Variants in GSTP1 observed in about 807,000 individuals in gnomAD.
The protein encoded by GSTP1 is glutathione S-transferase pi 1.
Under a neutral mutation model 29.4 loss-of-function variants are expected in GSTP1, and 28 were observed. That is an observed-to-expected ratio of 0.95 (90% CI 0.71 to 1.30). GSTP1 has a LOEUF of 1.30. Ranked by LOEUF, GSTP1 falls within the 50% of genes most tolerant of loss-of-function variation. The probability of loss-of-function intolerance (pLI) is 0.00; values close to 1 mark genes in which losing one functional copy is unlikely to be tolerated. For missense variants in GSTP1, 267 were observed against 266.1 expected, an observed-to-expected ratio of 1.00 and a Z score of -0.02; for synonymous variants, 122 against 117.0, an observed-to-expected ratio of 1.04 and a Z score of -0.28.
rs775938449 is a variant in GSTP1 at position 67,584,790 on chromosome 11, A to C, written c.232+18A>C. 1.3e-6 allele frequency: 2 copies of C among 1,564,646 alleles called. No homozygotes were observed. The highest frequency in any genetic ancestry group is 1.8e-6 in the Non-Finnish European group (2 of 1,135,238). ...CACCCTTGGTGAGTCTTGAACCTCCAAGTCCAGGGCAGGCATGGGCAAGCC... is the reference window on the plus strand; with the variant it reads ...CACCCTTGGTGAGTCTTGAACCTCCCAGTCCAGGGCAGGCATGGGCAAGCC... On this transcript the variant is annotated intron_variant, in intron 4 of 6. Coordinates refer to ENST00000398606, the MANE Select transcript of GSTP1 (RefSeq NM_000852.4).
In GSTP1 at chr11:67,584,451, TC is replaced by T; in HGVS notation, c.38-10del. The T allele has an allele frequency of 6.9e-7, 1 of 1,445,306 alleles. No individual in the cohort carries two copies. 89.5% of individuals were successfully genotyped at this position (1,445,306 alleles called of 1,614,324 possible). On this transcript the variant is annotated splice_polypyrimidine_tract_variant and intron_variant, in intron 2 of 6. Transcript: ENST00000398606. ...GCCCGGTCCCCACATCTCGTACTTC[TC>T]CCTCCCCGCAGGCCGCTGCGCGGCC...
In GSTP1 at chr11:67,586,085, A is replaced by T; in HGVS notation, c.337-19A>T. On this transcript the variant is annotated intron_variant, in intron 5 of 6. Coordinates refer to ENST00000398606, the MANE Select transcript of GSTP1 (RefSeq NM_000852.4). ...CTGGGAGGGATGAGAGTAGGATGAT[A>T]CATGGTGGTGTCTGGCAGGAGGCGG... is the stretch of plus-strand genomic sequence containing the variant. 6.3e-7 allele frequency: 1 copy of T among 1,583,466 alleles called. No homozygotes were observed. The highest frequency in any genetic ancestry group is 1.1e-5 in the South Asian group (1 of 90,294).
At chr11:67,585,402 C>G (rs1390973046) in intron 5 of GSTP1, among the ~76,000 whole-genome samples, 161 bp downstream of exon 5, 1 of 152,124 alleles carries the variant, frequency 6.6e-6, no homozygotes, top group Non-Finnish European at 1.5e-5. Flanking sequence ...GGGCCTGGGA[C>G]AAGACACAAC....
In GSTP1 at chr11:67,585,169, C is replaced by G. The variant is rs2134394230; in HGVS notation, c.264C>G (p.Ala88=). The stretch of plus-strand genomic sequence containing the variant: ...ATGGGAAGGACCAGCAGGAGGCAGC[C>G]CTGGTGGACATGGTGAATGACGGCG... The part of the protein sequence containing the change: ...GLYGKDQQEA[A]LVDMVNDGVE... Residue 88 remains alanine (A), a synonymous_variant, in exon 5 of 7, where the codon GCC becomes GCG. Coordinates refer to ENST00000398606, the MANE Select transcript of GSTP1 (RefSeq NM_000852.4). The G allele has an allele frequency of 6.2e-7, 1 of 1,613,710 alleles. No individual in the cohort carries two copies. Among genetic ancestry groups the G allele is most frequent in the Non-Finnish European group, 8.5e-7 (1 of 1,179,652 alleles).
intron 4 of GSTP1, 34 bp from the exon 5 acceptor site, chr11:67,585,092 ATCAGGCGCCCAG>A (rs1421797067): frequency 8.0e-7 from 1 of 1,253,416 alleles, no homozygotes; most frequent in South Asian, 1.2e-5. Flanking sequence ...CTGTGTGTTG[ATCAGGCGCCCAG>A]TCACGCGGCC....
intron 5 of GSTP1, among the ~76,000 whole-genome samples, chr11:67,585,564 C>T (rs535842792): frequency 7.6e-4 from 116 of 152,296 alleles, no homozygotes; most frequent in Non-Finnish European, 1.2e-3. Flanking sequence ...GATTTGTCGC[C>T]AGTTTCTGGA....
Position 67,586,470 on chromosome 11 carries a change from C to G in GSTP1, c.526C>G (p.Leu176Val), listed in dbSNP as rs11553892. ...LAPGCLDAFP[L>V]LSAYVGRLSA... ...CCCTGGCTGCCTGGATGCGTTCCCC[C>G]TGCTCTCAGCATATGTGGGGCGCCT... The change falls in exon 7 of 7, where the codon CTG (leucine) becomes GTG (valine). Residue 176 changes from leucine (L) to valine (V), a missense_variant. Leu to Val is a conservative substitution (Grantham distance 32). Coordinates refer to ENST00000398606, the MANE Select transcript of GSTP1 (RefSeq NM_000852.4). 3 of 1,614,184 alleles carry G rather than the reference C, an allele frequency of 1.9e-6. No homozygotes were observed. The South Asian group carries it at 3.3e-5, about 18-fold the overall frequency.
rs998883980 is a variant in GSTP1, at chr11:67,585,005, C to T, written c.233-133C>T. On this transcript the variant is annotated intron_variant, in intron 4 of 6. Transcript: ENST00000398606. ...CACCTGCTGTGTGGCAGTCTCTCAT[C>T]CTTCCACGCACATCCTCTTCCCCTC... is the stretch of plus-strand genomic sequence containing the variant. 2.3e-5 allele frequency: 15 copies of T among 654,052 alleles called. No individual in the cohort carries two copies. In the African/African-American group the frequency reaches 2.7e-4, roughly 12 times the overall value. The allele number at this position is 654,052 out of a possible 1,614,324, so 40.5% of individuals were successfully genotyped here.
intron 1 of GSTP1, 79 bp from the exon 2 acceptor site, chr11:67,584,055 G>A: frequency 8.7e-7 from 1 of 1,150,924 alleles, no homozygotes; most frequent in East Asian, 2.7e-5. Flanking sequence ...CCCGGGGGCG[G>A]GGAGGGGGGG....
rs1328005643 is a variant in GSTP1 at position 67,586,454 on chromosome 11, C to T, written c.510C>T (p.Cys170=). The change falls in exon 7 of 7, where the codon TGC becomes TGT. Residue 170 remains cysteine, a synonymous_variant. Coordinates refer to ENST00000398606, the MANE Select transcript of GSTP1 (RefSeq NM_000852.4). ...LLIHEVLAPG[C]LDAFPLLSAY... ...TCCATGAGGTCCTAGCCCCTGGCTG[C>T]CTGGATGCGTTCCCCCTGCTCTCAG... 3.7e-6 allele frequency: 6 copies of T among 1,614,064 alleles called. No homozygotes were observed. The African/African-American group carries it at 8.0e-5, about 22-fold the overall frequency.
intron 5 of GSTP1, among the ~76,000 whole-genome samples, chr11:67,585,672 C>CGCGTGT (rs1555022305): frequency 2.0e-5 from 3 of 151,762 alleles, no homozygotes; most frequent in Non-Finnish European, 2.9e-5. Context: ...TGTGCGCGTG[C>CGCGTGT]GTGTGCATGT....
Position 67,586,153 on chromosome 11 carries a change from C to A in GSTP1, c.386C>A (p.Pro129His). The A allele has an allele frequency of 6.2e-7, 1 of 1,614,028 alleles. No homozygotes were observed. Among genetic ancestry groups the A allele is most frequent in the Non-Finnish European group, 8.5e-7 (1 of 1,179,950 alleles). The part of the protein sequence containing the change: ...YVKALPGQLK[P>H]FETLLSQNQG... The stretch of plus-strand genomic sequence containing the variant: ...AAGGCACTGCCCGGGCAACTGAAGC[C>A]TTTTGAGACCCTGCTGTCCCAGAAC... Residue 129 changes from proline to histidine, a missense_variant, in exon 6 of 7, where the codon CCT becomes CAT. Transcript: ENST00000398606.
intron 2 of GSTP1, 21 bp from the exon 3 acceptor site, chr11:67,584,443 C>A: frequency 1.4e-6 from 2 of 1,385,770 alleles, no homozygotes; most frequent in South Asian, 1.4e-5. Flanking sequence ...CCCCACATCT[C>A]GTACTTCTCC....
chr11:67,584,413 C>G, intron 2 of GSTP1, 51 bp from the exon 3 acceptor site: 1 of 1,036,038 alleles, frequency 9.7e-7, no homozygotes, highest in Non-Finnish European at 1.4e-6. Context: ...CGGGTTGCTG[C>G]GAGGCGGAGT....
chr11:67,584,739 A>T lies in GSTP1; in HGVS notation c.199A>T (p.Asn67Tyr). 6.2e-7 allele frequency: 1 copy of T among 1,613,608 alleles called. No individual in the cohort carries two copies. Among genetic ancestry groups the T allele is most frequent in the East Asian group, 2.2e-5 (1 of 44,876 alleles). The change falls in exon 4 of 7, where the codon AAT (asparagine) becomes TAT (tyrosine). Residue 67 changes from asparagine (N) to tyrosine (Y), a missense_variant. Physicochemically the swap from Asn to Tyr is moderately radical, Grantham distance 143. Transcript: ENST00000398606. The part of the protein sequence containing the change: ...QDGDLTLYQS[N>Y]TILRHLGRTL... Reference sequence around the variant, plus strand: ...CGGAGACCTCACCCTGTACCAGTCCAATACCATCCTGCGTCACCTGGGCCG... The same window carrying T: ...CGGAGACCTCACCCTGTACCAGTCCTATACCATCCTGCGTCACCTGGGCCG...
In GSTP1 at chr11:67,586,499, T is replaced by C. The variant is rs4891; in HGVS notation, c.555T>C (p.Ser185=). ...PLLSAYVGRL[S]ARPKLKAFLA... ...TCTCAGCATATGTGGGGCGCCTCAG[T>C]GCCCGGCCCAAGCTCAAGGCCTTCC... The change falls in exon 7 of 7, where the codon AGT becomes AGC. Residue 185 remains serine, a synonymous_variant. Coordinates refer to ENST00000398606, the MANE Select transcript of GSTP1 (RefSeq NM_000852.4). 569,633 of 1,613,388 alleles carry C rather than the reference T, an allele frequency of 0.35. 104,195 individuals carry two copies. The highest frequency in any genetic ancestry group is 0.5 in the Admixed American group (29,689 of 59,966).
Position 67,584,119 on chromosome 11 carries a change from CTTTG to C in GSTP1, c.2-12_2-9del. 6.2e-7 allele frequency: 1 copy of C among 1,609,994 alleles called. No individual in the cohort carries two copies. The highest frequency in any genetic ancestry group is 1.3e-5 in the African/African-American group (1 of 74,996). Reference sequence around the variant, plus strand: ...CTCCCCCGGGCTCCAGCAAACTTTTCTTTGTTCGCTGCAGTGCCGCCCTACACCG... The same window carrying C: ...CTCCCCCGGGCTCCAGCAAACTTTTCTTCGCTGCAGTGCCGCCCTACACCG... On this transcript the variant is annotated splice_polypyrimidine_tract_variant and intron_variant, in intron 1 of 6. Coordinates refer to ENST00000398606, the MANE Select transcript of GSTP1 (RefSeq NM_000852.4).
chr11:67,584,014 G>A, intron 1 of GSTP1, 120 bp from the exon 2 acceptor site: 1 of 796,332 alleles, frequency 1.3e-6, no homozygotes, highest in Non-Finnish European at 2.1e-6. Context: ...GGCTTTCAGG[G>A]GGCCCGGAGC....
intron 1 of GSTP1, 143 bp from the exon 2 acceptor site, chr11:67,583,991 C>T (rs987507839): frequency 2.8e-6 from 2 of 710,442 alleles, no homozygotes; most frequent in Admixed American, 2.3e-5. Context: ...AGGACGTCCC[C>T]AGTGCCGTTA....
Sources: allele counts gnomAD v4.1 joint callset (sites outside exome capture counted in the v4.1 genomes callset), GRCh38; gene constraint gnomAD v4.1.1; transcripts MANE v1.5; gene names NCBI Gene and HGNC (gene_info 2026-07-23, HGNC 2026-07-21).